MSRA: variants seen among roughly 807,000 people sequenced by gnomAD.
MSRA encodes the protein methionine sulfoxide reductase A, also known as mitochondrial peptide methionine sulfoxide reductase.
MSRA carries 54 observed loss-of-function variants against 31.3 expected under a neutral mutation model. The observed-to-expected ratio is 1.73, with a 90% CI of 1.39 to 2.17. The LOEUF is 2.17. MSRA is among the 30% of genes most tolerant of loss of function. The probability of loss-of-function intolerance (pLI) is 0.00; values close to 1 mark genes in which losing one functional copy is unlikely to be tolerated. For synonymous variants in MSRA, 169 were observed against 116.5 expected (o/e 1.45, Z -2.90); for missense variants, 507 against 300.9 (o/e 1.69, Z -5.07).
chr8:10,154,629 G>A (rs900050157), intron 1 of MSRA, among the ~76,000 whole-genome samples: 11 of 152,134 alleles, frequency 7.2e-5, no homozygotes, highest in East Asian at 1.9e-4. Context: ...CACCCACCTC[G>A]GCCTCCCAAA....
chr8:10,086,923 G>C (rs1482498624), intron 1 of MSRA, among the ~76,000 whole-genome samples: 5 of 150,276 alleles, frequency 3.3e-5, no homozygotes, highest in East Asian at 2.0e-4. Flanking sequence ...AGAGGAGAAT[G>C]AGAATGAGAA....
At chr8:10,251,863 G>GC (rs202023003) in intron 3 of MSRA, among the ~76,000 whole-genome samples, 37 of 147,974 alleles carry the variant, frequency 2.5e-4, no homozygotes, top group African/African-American at 8.9e-4. Context: ...TGACATGGTG[G>GC]GGGGGGGGGG....
At chr8:10,425,359 G>A (rs1156773647) in intron 5 of MSRA, among the ~76,000 whole-genome samples, 1 of 152,196 alleles carries the variant, frequency 6.6e-6, no homozygotes, top group African/African-American at 2.4e-5. Context: ...TTGTGGCTGA[G>A]GCTGGTACTG....
At chr8:10,418,436 A>G (rs1808610237) in intron 5 of MSRA, among the ~76,000 whole-genome samples, 1 of 152,118 alleles carries the variant, frequency 6.6e-6, no homozygotes. Context: ...GTGCCTGGCG[A>G]CTGCTGGGGG....
chr8:10,163,427 C>G (rs775956087), intron 1 of MSRA, among the ~76,000 whole-genome samples: 1 of 152,210 alleles, frequency 6.6e-6, no homozygotes, highest in Non-Finnish European at 1.5e-5. Context: ...CTGGCGCACC[C>G]ACTGTTAATC....
At chr8:10,159,489 G>A (rs1271976122) in intron 1 of MSRA, among the ~76,000 whole-genome samples, 1 of 152,220 alleles carries the variant, frequency 6.6e-6, no homozygotes, top group African/African-American at 2.4e-5. Flanking sequence ...CTTACTTCTG[G>A]AGCTTTGTGA....
chr8:10,341,045 T>C (rs544645281), intron 5 of MSRA, among the ~76,000 whole-genome samples: 63 of 152,326 alleles, frequency 4.1e-4, no homozygotes, highest in African/African-American at 1.5e-3. Context: ...GTTGACTATT[T>C]GTAGGGCTCT....
At chr8:10,054,982 C>G (rs761871277) in intron 1 of MSRA, among the ~76,000 whole-genome samples, 3 of 152,222 alleles carry the variant, frequency 2.0e-5, no homozygotes, top group Non-Finnish European at 4.4e-5. Flanking sequence ...CCGCTGGGGT[C>G]TGGCCTTGCT....
chr8:10,221,539 C>T lies in MSRA; in HGVS notation c.211+13638C>T, dbSNP rs1023680890. 5.3e-5 allele frequency among the ~76,000 whole-genome samples: 8 copies of T among 151,986 alleles called. 1 individual carries two copies. The highest frequency in any genetic ancestry group is 5.2e-4 in the Admixed American group (8 of 15,242). On this transcript the variant is annotated intron_variant, in intron 2 of 5. Coordinates refer to ENST00000317173, the MANE Select transcript of MSRA (RefSeq NM_012331.5). The stretch of plus-strand genomic sequence containing the variant: ...CCAGGGTCAGGCTACTAGTTAATGG[C>T]AGAACTAGTTAATGGCCTGGCACTG...
intron 2 of MSRA, among the ~76,000 whole-genome samples, chr8:10,224,753 G>A (rs1158194258): frequency 6.6e-6 from 1 of 152,184 alleles, no homozygotes; most frequent in East Asian, 1.9e-4. Flanking sequence ...TTCCTTTGCT[G>A]GGGAAATCTT....
intron 3 of MSRA, among the ~76,000 whole-genome samples, chr8:10,295,502 C>T (rs916735166): frequency 1.3e-5 from 2 of 152,178 alleles, no homozygotes; most frequent in African/African-American, 4.8e-5. Context: ...AGATGAGCCC[C>T]ACCTGGGACC....
intron 1 of MSRA, among the ~76,000 whole-genome samples, chr8:10,103,172 A>G (rs1324618367): frequency 6.6e-6 from 1 of 152,148 alleles, no homozygotes; most frequent in Non-Finnish European, 1.5e-5. Flanking sequence ...TTTTTTGGTT[A>G]TTAACATGCG....
At chr8:10,392,602 G>A (rs113978164) in intron 5 of MSRA, among the ~76,000 whole-genome samples, 64 of 152,080 alleles carry the variant, frequency 4.2e-4, no homozygotes, top group Non-Finnish European at 6.8e-4. Context: ...TCATTAAACC[G>A]AATCTGGTGG....
chr8:10,217,190 G>T (rs916517991), intron 2 of MSRA, among the ~76,000 whole-genome samples: 1 of 152,148 alleles, frequency 6.6e-6, no homozygotes, highest in Non-Finnish European at 1.5e-5. Flanking sequence ...TTGGATTCTG[G>T]AACCAGAAAG....
At chr8:10,199,699 G>C (rs755442580) in intron 1 of MSRA, among the ~76,000 whole-genome samples, 2 of 152,182 alleles carry the variant, frequency 1.3e-5, no homozygotes, top group Non-Finnish European at 2.9e-5. Context: ...GGCAAATCAT[G>C]AGAAGGAAGA....
intron 2 of MSRA, among the ~76,000 whole-genome samples, chr8:10,232,155 A>T (rs752491182): frequency 6.6e-6 from 1 of 152,158 alleles, no homozygotes; most frequent in Non-Finnish European, 1.5e-5. Context: ...GTTCTGAGTG[A>T]AGTCTAAAAG....
chr8:10,359,888 C>T (rs1481397797), intron 5 of MSRA, among the ~76,000 whole-genome samples: 1 of 152,222 alleles, frequency 6.6e-6, no homozygotes, highest in East Asian at 1.9e-4. Flanking sequence ...ACTGTTCCAT[C>T]TTCTGTTGCA....
intron 5 of MSRA, among the ~76,000 whole-genome samples, chr8:10,343,111 T>A (rs892465744): frequency 2.0e-5 from 3 of 151,398 alleles, no homozygotes; most frequent in Non-Finnish European, 4.4e-5. Context: ...AGGGATACAT[T>A]TGTAATATTT....
chr8:10,336,626 C>T (rs1040199134), intron 5 of MSRA, among the ~76,000 whole-genome samples: 10 of 152,134 alleles, frequency 6.6e-5, no homozygotes, highest in African/African-American at 2.2e-4. Flanking sequence ...ATGAGTAGCC[C>T]TTACTGAGAT....
Sources: gnomAD v4.1 joint callset for allele counts (sites outside exome capture counted in the v4.1 genomes callset) on GRCh38, gnomAD v4.1.1 for gene constraint, MANE v1.5 for transcripts, NCBI Gene and HGNC (gene_info 2026-07-23, HGNC 2026-07-21) for gene names.